DGKI: variants seen among roughly 807,000 people sequenced by gnomAD.
DGKI encodes DAG kinase iota.
DGKI carries 55 observed loss-of-function variants against 147.5 expected under a neutral mutation model. The ratio of observed to expected loss-of-function variants is 0.37; its 90% CI spans 0.30 to 0.47. DGKI has a LOEUF of 0.47. Ranked by LOEUF, DGKI falls within the 20% of genes least tolerant of loss-of-function variation. DGKI has a pLI of 1.00. For synonymous variants in DGKI, 469 were observed against 477.1 expected, an observed-to-expected ratio of 0.98 and a Z score of 0.22; for missense variants, 1,007 against 1,323.8, an observed-to-expected ratio of 0.76 and a Z score of 3.71.
intron 19 of DGKI, among the ~76,000 whole-genome samples, chr7:137,570,004 C>T (rs1818740488): frequency 6.6e-6 from 1 of 151,942 alleles, no homozygotes; most frequent in African/African-American, 2.4e-5. Context: ...TTGCCATAAG[C>T]ACAATAGATT....
In DGKI at chr7:137,429,881, A is replaced by G. The variant is rs541594871; in HGVS notation, c.2761+14196T>C. Among the ~76,000 whole-genome samples, 7 of 118,772 alleles carry G rather than the reference A, an allele frequency of 5.9e-5. No homozygotes were observed. In the East Asian group the frequency reaches 1.5e-3, roughly 25 times the overall value. The allele number at this position is 118,772 out of a possible 152,430, so 77.9% of individuals were successfully genotyped here. The stretch of plus-strand genomic sequence containing the variant: ...ACCATCTCACACCAGTTAGAATGGC[A>G]ATCATTAAAAAGTCAGGAAACAACA... On this transcript the variant is annotated intron_variant, in intron 28 of 32. Coordinates refer to ENST00000614521, the MANE Select transcript of DGKI (RefSeq NM_001321708.2).
intron 19 of DGKI, among the ~76,000 whole-genome samples, chr7:137,555,542 TAA>T: frequency 6.6e-6 from 1 of 151,754 alleles, no homozygotes; most frequent in East Asian, 1.9e-4. Flanking sequence ...TAAAATTAAA[TAA>T]ATAAAATAAG....
chr7:137,825,588 A>G (rs1798030541), intron 1 of DGKI, among the ~76,000 whole-genome samples: 1 of 152,034 alleles, frequency 6.6e-6, no homozygotes, highest in Admixed American at 6.6e-5. Flanking sequence ...ACGCCCATTT[A>G]CACAGGCATG....
At chr7:137,803,353 CA>C (rs1797271230) in intron 1 of DGKI, among the ~76,000 whole-genome samples, 1 of 152,094 alleles carries the variant, frequency 6.6e-6, no homozygotes, top group East Asian at 1.9e-4. Context: ...AACAAAGAGC[CA>C]AAAAATGTTT....
intron 19 of DGKI, among the ~76,000 whole-genome samples, chr7:137,569,618 A>G (rs1323323642): frequency 6.6e-6 from 1 of 150,664 alleles, no homozygotes; most frequent in Non-Finnish European, 1.5e-5. Context: ...AGTCCCAGCT[A>G]CTCGGGAGGC....
intron 1 of DGKI, among the ~76,000 whole-genome samples, chr7:137,808,965 C>A (rs76954340): frequency 2.0e-5 from 3 of 152,028 alleles, no homozygotes; most frequent in Non-Finnish European, 2.9e-5. Flanking sequence ...AACTCCACAC[C>A]CCCCCAGGAA....
chr7:137,562,231 A>AT (rs142510511), intron 19 of DGKI, among the ~76,000 whole-genome samples: 7,838 of 152,254 alleles, frequency 0.051, 515 homozygotes, highest in African/African-American at 0.13. Flanking sequence ...TGAAAGATGT[A>AT]TGGAAGTAAG....
At chr7:137,436,011 C>T (rs1441439731) in intron 28 of DGKI, among the ~76,000 whole-genome samples, 1 of 152,264 alleles carries the variant, frequency 6.6e-6, no homozygotes, top group African/African-American at 2.4e-5. Context: ...AACTCCTCAC[C>T]TCAGGTGATC....
intron 1 of DGKI, among the ~76,000 whole-genome samples, chr7:137,715,082 C>T (rs1374171021): frequency 2.0e-5 from 3 of 152,304 alleles, no homozygotes; most frequent in East Asian, 3.9e-4. Flanking sequence ...TATAATCACC[C>T]CTCTCTGTTT....
intron 20 of DGKI, among the ~76,000 whole-genome samples, chr7:137,545,228 C>A (rs1024010799): frequency 7.0e-4 from 107 of 152,056 alleles, no homozygotes; most frequent in African/African-American, 2.6e-3. Context: ...CTGTAACAGT[C>A]CCTGAAACAT....
intron 1 of DGKI, among the ~76,000 whole-genome samples, chr7:137,712,441 C>A (rs1794243875): frequency 6.6e-6 from 1 of 152,122 alleles, no homozygotes; most frequent in Non-Finnish European, 1.5e-5. Flanking sequence ...ATATTAACAA[C>A]AAATTCTAGT....
intron 1 of DGKI, among the ~76,000 whole-genome samples, chr7:137,819,977 C>T (rs889701607): frequency 2.6e-5 from 4 of 152,212 alleles, no homozygotes; most frequent in Non-Finnish European, 5.9e-5. Flanking sequence ...TTGCCCCTTC[C>T]TTCATCATCC....
At chr7:137,662,149 A>G (rs1222001338) in intron 3 of DGKI, among the ~76,000 whole-genome samples, 1 of 152,132 alleles carries the variant, frequency 6.6e-6, no homozygotes, top group African/African-American at 2.4e-5. Context: ...GACCTCCACC[A>G]TCACTCATGC....
chr7:137,465,451 G>A (rs1033652534), intron 26 of DGKI, among the ~76,000 whole-genome samples: 2 of 152,144 alleles, frequency 1.3e-5, no homozygotes, highest in Admixed American at 6.5e-5. Context: ...ACTATGAAGC[G>A]GTGGTAGAAA....
rs1301334260 is a variant in DGKI at position 137,385,650 on chromosome 7, C to A, written c.*5570G>T. The A allele has an allele frequency of 6.6e-6, 1 of 152,114 alleles. No homozygotes were observed. The highest frequency in any genetic ancestry group is 2.4e-5 in the African/African-American group (1 of 41,448). The allele number at this position is 152,114 out of a possible 1,614,324, so 9.4% of individuals were successfully genotyped here. On this transcript the variant is annotated 3_prime_UTR_variant, in exon 33 of 33. Coordinates refer to ENST00000614521, the MANE Select transcript of DGKI (RefSeq NM_001321708.2). ...GCTAGAATAAATCAGTCTTAGCTTT[C>A]ATTTTAATAGTGTTTCTAAGTCTTG...
chr7:137,601,219 C>T (rs577983471), intron 10 of DGKI, among the ~76,000 whole-genome samples: 123 of 151,184 alleles, frequency 8.1e-4, no homozygotes, highest in African/African-American at 3.0e-3. Context: ...TGCAGTGAGC[C>T]GAAATAGCGC....
rs145276144 is a variant in DGKI, at chr7:137,412,407, G to A, written c.2762-200C>T. 1.8e-3 allele frequency among the ~76,000 whole-genome samples: 267 copies of A among 152,208 alleles called. 1 individual carries two copies. The highest frequency in any genetic ancestry group is 5.9e-3 in the African/African-American group (244 of 41,530). On this transcript the variant is annotated intron_variant, in intron 28 of 32. Transcript: ENST00000614521. ...TACCCATTCCACGCACCCTTCTAGG[G>A]CCCATGCGTGCCCCCTCCAGCCTTG... is the stretch of plus-strand genomic sequence containing the variant.
At chr7:137,571,792 C>T (rs1417215931) in intron 18 of DGKI, among the ~76,000 whole-genome samples, 1 of 150,102 alleles carries the variant, frequency 6.7e-6, no homozygotes, top group African/African-American at 2.5e-5. Context: ...GAATGGGAAA[C>T]AGAAGAAATT....
chr7:137,700,857 G>A (rs931496563), intron 1 of DGKI, among the ~76,000 whole-genome samples: 2 of 151,872 alleles, frequency 1.3e-5, no homozygotes, highest in Admixed American at 6.6e-5. Flanking sequence ...CAGCCTGGGC[G>A]ACAAGAGCGA....
Sources: gnomAD v4.1 joint callset for allele counts (sites outside exome capture counted in the v4.1 genomes callset) on GRCh38, gnomAD v4.1.1 for gene constraint, MANE v1.5 for transcripts, NCBI Gene and HGNC (gene_info 2026-07-23, HGNC 2026-07-21) for gene names.